Variants in YIPF7 observed in about 807,000 individuals in gnomAD.
YIPF7 encodes Yip1 domain family member 7, also known as protein YIPF7.
In YIPF7, 35 loss-of-function variants were observed where a neutral mutation model predicts 27.2. That is an observed-to-expected ratio of 1.29 (90% CI 0.98 to 1.70). The LOEUF is 1.70. YIPF7 is among the 40% of genes most tolerant of loss of function. The probability of loss-of-function intolerance (pLI) is 0.00; values close to 1 mark genes in which losing one functional copy is unlikely to be tolerated. For missense variants in YIPF7, 358 were observed against 303.7 expected, an observed-to-expected ratio of 1.18 and a Z score of -1.33; for synonymous variants, 137 against 110.4, an observed-to-expected ratio of 1.24 and a Z score of -1.51.
chr4:44,652,262 T>C (rs1713761138), upstream of YIPF7, among the ~76,000 whole-genome samples: 1 of 152,194 alleles, frequency 6.6e-6, no homozygotes, highest in South Asian at 2.1e-4. Context: ...GGCCCTTCTC[T>C]GTATCACTGG....
chr4:44,640,463 T>G (rs1421780417), intron 2 of YIPF7, among the ~76,000 whole-genome samples: 1 of 152,186 alleles, frequency 6.6e-6, no homozygotes, highest in Non-Finnish European at 1.5e-5. Context: ...CATGACAGGT[T>G]GGGGAGAAAC....
intron 1 of YIPF7, among the ~76,000 whole-genome samples, chr4:44,651,046 T>A (rs1713723137): frequency 6.6e-6 from 1 of 152,196 alleles, no homozygotes; most frequent in Non-Finnish European, 1.5e-5. Context: ...TCACCAGGAG[T>A]AATCCATATG....
At chr4:44,622,796 A>T (rs886969902) in intron 5 of YIPF7, among the ~76,000 whole-genome samples, 1 of 152,222 alleles carries the variant, frequency 6.6e-6, no homozygotes, top group African/African-American at 2.4e-5. Context: ...TTAAACCTGA[A>T]TTAGAAAAAA....
intron 1 of YIPF7, chr4:44,660,697 C>G (rs1714024607): frequency 7.4e-6 from 1 of 135,586 alleles, no homozygotes; most frequent in African/African-American, 2.6e-5. Context: ...CAGTAAATAA[C>G]TAGAACACAT....
chr4:44,626,486 G>A (rs1208915632), intron 4 of YIPF7, among the ~76,000 whole-genome samples: 1 of 152,130 alleles, frequency 6.6e-6, no homozygotes, highest in Non-Finnish European at 1.5e-5. Context: ...TGAAAAGGCA[G>A]TTCTACAAAT....
intron 1 of YIPF7, among the ~76,000 whole-genome samples, chr4:44,661,916 T>C (rs946711941): frequency 2.6e-5 from 4 of 152,228 alleles, no homozygotes; most frequent in Non-Finnish European, 5.9e-5. Context: ...CAGATAGAGT[T>C]CTTGGTTCAA....
chr4:44,625,145 C>T (rs2109575352), intron 4 of YIPF7, among the ~76,000 whole-genome samples: 2 of 152,234 alleles, frequency 1.3e-5, no homozygotes, highest in South Asian at 2.1e-4. Context: ...AATAAAAAAT[C>T]CAATTTTAGT....
At chr4:44,641,524 C>T (rs72624163) in intron 2 of YIPF7, among the ~76,000 whole-genome samples, 13,737 of 152,118 alleles carry the variant, frequency 0.09, 779 homozygotes, top group East Asian at 0.25. Flanking sequence ...CATAAAAGCC[C>T]TTGGGGTAAA....
At chr4:44,623,441 A>C (rs1327701424) in intron 5 of YIPF7, among the ~76,000 whole-genome samples, 1 of 152,034 alleles carries the variant, frequency 6.6e-6, no homozygotes, top group Non-Finnish European at 1.5e-5. Context: ...CTAGCATAGT[A>C]CTCTTTTCAC....
intron 2 of YIPF7, among the ~76,000 whole-genome samples, chr4:44,645,830 G>T (rs1713507867): frequency 6.6e-6 from 1 of 151,520 alleles, no homozygotes; most frequent in Non-Finnish European, 1.5e-5. Context: ...TCATTTATAA[G>T]TACTCATAAA....
intron 2 of YIPF7, among the ~76,000 whole-genome samples, chr4:44,646,153 A>G (rs935041735): frequency 2.0e-5 from 3 of 152,222 alleles, no homozygotes; most frequent in Admixed American, 2.0e-4. Flanking sequence ...ACATAGAATT[A>G]ACTAGTTAAA....
At chr4:44,649,792 A>C (rs1159373690) in intron 2 of YIPF7, among the ~76,000 whole-genome samples, 193 bp downstream of exon 2, 2 of 152,044 alleles carry the variant, frequency 1.3e-5, no homozygotes, top group African/African-American at 4.8e-5. Context: ...TTGTTGCCTA[A>C]AGTTACTTAA....
intron 3 of YIPF7, among the ~76,000 whole-genome samples, chr4:44,633,041 T>C (rs185076670): frequency 2.0e-5 from 3 of 152,276 alleles, no homozygotes; most frequent in East Asian, 3.9e-4. Context: ...TAGTTTCTCA[T>C]AGGAGCGTGA....
At chr4:44,636,528 T>C (rs990483546) in intron 2 of YIPF7, among the ~76,000 whole-genome samples, 5 of 152,166 alleles carry the variant, frequency 3.3e-5, no homozygotes, top group Non-Finnish European at 7.3e-5. Context: ...TTTTAACTTA[T>C]CTTCAGGGAC....
intron 4 of YIPF7, among the ~76,000 whole-genome samples, chr4:44,627,237 T>C (rs1473385726): frequency 1.3e-5 from 2 of 152,130 alleles, no homozygotes; most frequent in African/African-American, 4.8e-5. Flanking sequence ...GAAAAGAAAA[T>C]AATTTTGGGG....
intron 2 of YIPF7, among the ~76,000 whole-genome samples, chr4:44,644,665 G>A (rs1318870694): frequency 6.6e-6 from 1 of 152,142 alleles, no homozygotes; most frequent in Non-Finnish European, 1.5e-5. Flanking sequence ...AGTTAATGCT[G>A]GAGTGAGTTA....
At chr4:44,647,404 T>G (rs188131411) in intron 2 of YIPF7, among the ~76,000 whole-genome samples, 2 of 152,098 alleles carry the variant, frequency 1.3e-5, no homozygotes, top group East Asian at 3.9e-4. Flanking sequence ...AATACCAATC[T>G]TATCTGGAAA....
chr4:44,651,625 T>C lies in YIPF7; in HGVS notation c.-73A>G, dbSNP rs1167214018. 6.3e-7 allele frequency: 1 copy of C among 1,581,326 alleles called. No individual in the cohort carries two copies. The highest frequency in any genetic ancestry group is 2.3e-5 in the East Asian group (1 of 43,932). ...TGTGAGAAATTTTAAGCAAATCCAT[T>C]GGTGAAAAGATGACATGCTGGCTAT... is the stretch of plus-strand genomic sequence containing the variant. On this transcript the variant is annotated 5_prime_UTR_variant, in exon 1 of 6. Coordinates refer to ENST00000415895, the MANE Select transcript of YIPF7 (RefSeq NM_182592.3).
intron 2 of YIPF7, among the ~76,000 whole-genome samples, chr4:44,659,877 G>T (rs574864412): frequency 3.4e-4 from 51 of 151,942 alleles, no homozygotes; most frequent in Admixed American, 1.7e-3. Flanking sequence ...ACTTTGGGAG[G>T]CCAAGGCAGG....
Sources: allele counts gnomAD v4.1 joint callset (sites outside exome capture counted in the v4.1 genomes callset), GRCh38; gene constraint gnomAD v4.1.1; transcripts MANE v1.5; gene names NCBI Gene and HGNC (gene_info 2026-07-23, HGNC 2026-07-21).